Variants in SUPT3H observed in about 807,000 individuals in gnomAD.
SUPT3H encodes the protein SPT3 homolog, SAGA and STAGA complex component, also known as transcription initiation protein SPT3 homolog.
SUPT3H carries 44 observed loss-of-function variants against 44.3 expected under a neutral mutation model. The ratio of observed to expected loss-of-function variants is 0.99; its 90% CI spans 0.78 to 1.28. SUPT3H has a LOEUF of 1.28. SUPT3H is among the 50% of genes most tolerant of loss of function. The pLI is 0.00. For synonymous variants in SUPT3H, 124 were observed against 125.6 expected, an observed-to-expected ratio of 0.99 and a Z score of 0.09; for missense variants, 380 against 387.1, an observed-to-expected ratio of 0.98 and a Z score of 0.15.
In SUPT3H at chr6:44,845,308, T is replaced by G. The variant is rs114682837; in HGVS notation, c.913-15451A>C. ...CACAGGAGTACATCTAAGCCATCCA[T>G]TCATAAGCTATCATTGTGAAGTGAT... On this transcript the variant is annotated intron_variant, in intron 10 of 10. Transcript: ENST00000371459. Among the ~76,000 whole-genome samples the G allele has an allele frequency of 9.3e-3, 1,418 of 152,312 alleles. 16 individuals carry two copies. The highest frequency in any genetic ancestry group is 0.015 in the Non-Finnish European group (1,040 of 68,020).
chr6:45,172,640 G>T (rs1811014834), intron 2 of SUPT3H, among the ~76,000 whole-genome samples: 1 of 150,716 alleles, frequency 6.6e-6, no homozygotes, highest in African/African-American at 2.4e-5. Flanking sequence ...TGCCCAGGCT[G>T]GAGTGCAGTG....
intron 6 of SUPT3H, among the ~76,000 whole-genome samples, chr6:44,984,552 A>G (rs2153492245): frequency 6.6e-6 from 1 of 152,212 alleles, no homozygotes; most frequent in East Asian, 1.9e-4. Flanking sequence ...AGTATAAGTG[A>G]ATATATATTT....
At chr6:44,830,018 C>A in intron 10 of SUPT3H, 161 bp from the exon 11 acceptor site, 1 of 640,668 alleles carries the variant, frequency 1.6e-6, no homozygotes, top group Non-Finnish European at 2.7e-6. Context: ...ACTATAGCAA[C>A]CATTCTGTCT....
chr6:45,292,238 C>T (rs1244304389), intron 2 of SUPT3H, among the ~76,000 whole-genome samples: 2 of 151,968 alleles, frequency 1.3e-5, no homozygotes, highest in African/African-American at 2.4e-5. Flanking sequence ...AAACAAATGC[C>T]GAGAGAATTC....
intron 2 of SUPT3H, among the ~76,000 whole-genome samples, chr6:45,267,499 A>G (rs1326165386): frequency 1.3e-5 from 2 of 152,254 alleles, no homozygotes; most frequent in Non-Finnish European, 2.9e-5. Flanking sequence ...AAGTTATTGA[A>G]TTAAAAAATA....
intron 2 of SUPT3H, among the ~76,000 whole-genome samples, chr6:45,354,427 A>C (rs938249053): frequency 2.0e-5 from 3 of 152,142 alleles, no homozygotes; most frequent in Admixed American, 6.6e-5. Flanking sequence ...TACACACCCC[A>C]AAGTGTATGC....
chr6:45,303,190 C>A (rs187649567), intron 2 of SUPT3H, among the ~76,000 whole-genome samples: 1 of 152,110 alleles, frequency 6.6e-6, no homozygotes, highest in African/African-American at 2.4e-5. Flanking sequence ...CAGAAAAACC[C>A]TTCTAGACCC....
intron 10 of SUPT3H, among the ~76,000 whole-genome samples, chr6:44,839,345 G>A (rs1044420282): frequency 3.3e-5 from 5 of 151,128 alleles, no homozygotes; most frequent in African/African-American, 4.9e-5. Flanking sequence ...ACTGGGTCTC[G>A]CCCAGGCTAG....
chr6:45,054,259 A>G (rs1028393056), intron 3 of SUPT3H, among the ~76,000 whole-genome samples: 2 of 152,074 alleles, frequency 1.3e-5, no homozygotes, highest in Non-Finnish European at 2.9e-5. Flanking sequence ...GCAGGCCACA[A>G]AAGAATTCTC....
Position 44,931,856 on chromosome 6 carries a change from C to T in SUPT3H, c.912+797G>A, listed in dbSNP as rs562696240. Among the ~76,000 whole-genome samples, 7 of 151,290 alleles carry T rather than the reference C, an allele frequency of 4.6e-5. No homozygotes were observed. The East Asian group carries it at 9.6e-4, about 21-fold the overall frequency. ...AGGTAAAAATGTATACTATGTAATACTATTTATTTTCTCATTTGTTTATGT... is the reference window on the plus strand; with the variant it reads ...AGGTAAAAATGTATACTATGTAATATTATTTATTTTCTCATTTGTTTATGT... On this transcript the variant is annotated intron_variant, in intron 10 of 10. Transcript: ENST00000371459.
At position 45,079,516 on chromosome 6, in the gene SUPT3H, A is replaced by G. The variant is rs529451211; in HGVS notation, c.186+26406T>C. ...AGAAAAAAAGGAAGGAAGGAAAAAA[A>G]CCTAGAAGAACCATGTTACCTCACT... is the stretch of plus-strand genomic sequence containing the variant. On this transcript the variant is annotated intron_variant, in intron 3 of 10. Coordinates refer to ENST00000371459, the MANE Select transcript of SUPT3H (RefSeq NM_003599.4). 3.3e-5 allele frequency among the ~76,000 whole-genome samples: 5 copies of G among 152,160 alleles called. No homozygotes were observed. In the South Asian group the frequency reaches 1.0e-3, roughly 32 times the overall value.
chr6:44,862,256 C>G (rs1774773194), intron 10 of SUPT3H, among the ~76,000 whole-genome samples: 1 of 151,982 alleles, frequency 6.6e-6, no homozygotes, highest in Non-Finnish European at 1.5e-5. Flanking sequence ...ACTCTTCTTA[C>G]TCTTCAAAAT....
chr6:45,200,468 C>T (rs1007728739), intron 2 of SUPT3H, among the ~76,000 whole-genome samples: 1 of 151,388 alleles, frequency 6.6e-6, no homozygotes, highest in African/African-American at 2.4e-5. Context: ...AAAATATTAA[C>T]AAACTTAACA....
At chr6:45,305,419 A>C (rs1782840179) in intron 2 of SUPT3H, among the ~76,000 whole-genome samples, 2 of 152,234 alleles carry the variant, frequency 1.3e-5, no homozygotes, top group Non-Finnish European at 2.9e-5. Flanking sequence ...CTTTTCACAA[A>C]TACATCTACA....
intron 2 of SUPT3H, among the ~76,000 whole-genome samples, chr6:45,306,541 C>T (rs1329673332): frequency 6.6e-6 from 1 of 152,092 alleles, no homozygotes; most frequent in Non-Finnish European, 1.5e-5. Context: ...GCAAAACTAG[C>T]CCAAAAAGTC....
At chr6:45,354,362 G>C (rs938885733) in intron 2 of SUPT3H, among the ~76,000 whole-genome samples, 2 of 152,058 alleles carry the variant, frequency 1.3e-5, no homozygotes, top group Non-Finnish European at 2.9e-5. Context: ...TGCCAAAAAA[G>C]CACAGTAATG....
At chr6:44,866,425 C>G (rs537306439) in intron 10 of SUPT3H, among the ~76,000 whole-genome samples, 86 of 151,634 alleles carry the variant, frequency 5.7e-4, no homozygotes, top group African/African-American at 2.0e-3. Flanking sequence ...TTGAGGACAG[C>G]CTAGGTAATA....
intron 10 of SUPT3H, among the ~76,000 whole-genome samples, chr6:44,902,334 C>T (rs1765212993): frequency 6.6e-6 from 1 of 151,928 alleles, no homozygotes; most frequent in South Asian, 2.1e-4. Context: ...AGAAGATCTA[C>T]CAAGCAAATG....
At chr6:44,921,795 A>G (rs546488225) in intron 10 of SUPT3H, among the ~76,000 whole-genome samples, 2 of 152,310 alleles carry the variant, frequency 1.3e-5, no homozygotes, top group Admixed American at 1.3e-4. Flanking sequence ...TTTGAATTGG[A>G]TTGACAGAAA....
Sources: gnomAD v4.1 joint callset for allele counts (sites outside exome capture counted in the v4.1 genomes callset) on GRCh38, gnomAD v4.1.1 for gene constraint, MANE v1.5 for transcripts, NCBI Gene and HGNC (gene_info 2026-07-23, HGNC 2026-07-21) for gene names.